The following DISP1 variants were observed in gnomAD, a reference collection of about 807,000 sequenced individuals.
The protein encoded by DISP1 is protein dispatched homolog 1.
Under a neutral mutation model 37.3 loss-of-function variants are expected in DISP1, and 30 were observed. That is an observed-to-expected ratio of 0.80 (90% CI 0.60 to 1.09). DISP1 has a LOEUF of 1.09. Among genes scored for constraint, DISP1 ranks in the 50% least tolerant of loss-of-function variants. The probability of loss-of-function intolerance (pLI) is 0.00; values close to 1 mark genes in which losing one functional copy is unlikely to be tolerated. For synonymous variants in DISP1, 634 were observed against 690.2 expected (o/e 0.92, Z 1.28); for missense variants, 1,598 against 1,879.5 (o/e 0.85, Z 2.77).
chr1:222,861,607 T>C (rs1277575706), intron 1 of DISP1, among the ~76,000 whole-genome samples: 1 of 152,214 alleles, frequency 6.6e-6, no homozygotes, highest in East Asian at 1.9e-4. Context: ...ATTATCACTC[T>C]TTGTTTCAAA....
intron 1 of DISP1, among the ~76,000 whole-genome samples, chr1:222,841,081 T>C (rs1667589584): frequency 6.6e-6 from 1 of 152,220 alleles, no homozygotes; most frequent in African/African-American, 2.4e-5. Flanking sequence ...TATAAAATGC[T>C]ATTAATAATA....
chr1:222,942,361 G>A (rs1188975144), intron 2 of DISP1, among the ~76,000 whole-genome samples: 1 of 152,046 alleles, frequency 6.6e-6, no homozygotes, highest in Non-Finnish European at 1.5e-5. Flanking sequence ...TTTTAACCTT[G>A]TACAATGAAT....
Position 223,004,556 on chromosome 1 carries a change from C to T in DISP1, c.3159C>T (p.Ala1053=), listed in dbSNP as rs760876490. The T allele has an allele frequency of 4.3e-6, 7 of 1,614,050 alleles. No individual in the cohort carries two copies. The highest frequency in any genetic ancestry group is 2.7e-5 in the African/African-American group (2 of 74,924). The part of the protein sequence containing the change: ...SVAVGLSVDF[A]VHYGVAYRLA... ...CCGTCGGCTTGTCTGTAGACTTTGC[C>T]GTCCATTATGGGGTTGCCTACCGCT... Residue 1053 remains alanine (A), a synonymous_variant, in exon 9 of 9, where the codon GCC becomes GCT. Transcript: ENST00000675850. This position sits in a 1 kb window ranked among gnomAD's most constrained non-coding sequence, Gnocchi z 4.9.
intron 1 of DISP1, among the ~76,000 whole-genome samples, chr1:222,861,133 A>G (rs1668857596): frequency 6.6e-6 from 1 of 151,808 alleles, no homozygotes; most frequent in Admixed American, 6.6e-5. Context: ...CTTTTTCTCT[A>G]TTTCCTTTGC....
intron 8 of DISP1, among the ~76,000 whole-genome samples, chr1:223,000,490 G>A (rs1246252629): frequency 6.6e-6 from 1 of 152,136 alleles, no homozygotes; most frequent in Non-Finnish European, 1.5e-5. Context: ...CTTTGTTAAA[G>A]TAAATATTAT....
At chr1:222,867,116 A>G (rs899124735) in intron 1 of DISP1, among the ~76,000 whole-genome samples, 1 of 152,232 alleles carries the variant, frequency 6.6e-6, no homozygotes, top group Non-Finnish European at 1.5e-5. Context: ...GAATGAATCA[A>G]TGAATCTTAG....
chr1:222,815,044 G>A lies in DISP1; in HGVS notation c.-193G>A, dbSNP rs1430603956. 1 of 152,250 alleles carries A rather than the reference G, an allele frequency of 6.6e-6. No individual in the cohort carries two copies. Among genetic ancestry groups the A allele is most frequent in the South Asian group, 2.1e-4 (1 of 4,836 alleles). The allele number at this position is 152,250 out of a possible 1,614,324, so 9.4% of individuals were successfully genotyped here. A position where few individuals can be genotyped will look rare whatever the true frequency, so the allele number is the denominator to read the frequency against. Reference sequence around the variant, plus strand: ...CGCGGACCGCGCCAGGCGGAAGCCCGGCTCCGGGCCAGCATCCGAGAGCCC... The same window carrying A: ...CGCGGACCGCGCCAGGCGGAAGCCCAGCTCCGGGCCAGCATCCGAGAGCCC... On this transcript the variant is annotated 5_prime_UTR_variant, in exon 1 of 9. Transcript: ENST00000675850.
chr1:222,850,378 GTTTTTATTA>G (rs1005769461), intron 1 of DISP1, among the ~76,000 whole-genome samples: 3 of 150,700 alleles, frequency 2.0e-5, no homozygotes, highest in Non-Finnish European at 4.4e-5. Context: ...TTTACCCCAT[GTTTTTATTA>G]TTCTTTTAAA....
intron 1 of DISP1, among the ~76,000 whole-genome samples, chr1:222,922,292 T>C (rs1672843978): frequency 6.6e-6 from 1 of 152,100 alleles, no homozygotes; most frequent in Non-Finnish European, 1.5e-5. Context: ...ATATGATGTA[T>C]CGAGAAGCTC....
rs746493847 is a variant in DISP1, at chr1:222,983,078, A to G, written c.510-2A>G. ...TTTTTCCTTTGCTTTTTTTTTTTTC[A>G]GACCATCCAGACCTTTCAAGTTGCC... On this transcript the variant is annotated splice_acceptor_variant, in intron 3 of 8. Transcript: ENST00000675850. LOFTEE classifies it high-confidence loss of function. The G allele has an allele frequency of 2.5e-6, 4 of 1,583,764 alleles. No individual in the cohort carries two copies. The South Asian group carries it at 4.6e-5, about 18-fold the overall frequency.
chr1:222,876,715 T>G (rs545174647), intron 1 of DISP1, among the ~76,000 whole-genome samples: 1 of 152,296 alleles, frequency 6.6e-6, no homozygotes, highest in Non-Finnish European at 1.5e-5. Context: ...AATACATGCA[T>G]TGTTTATGAA....
In DISP1 at chr1:223,003,359, A is replaced by C. The variant is rs2102799532; in HGVS notation, c.1962A>C (p.Ala654=). ...NYVLMVTWLP[A]VVVLHERYLL... ...TTTTGATGGTCACATGGCTTCCAGC[A>C]GTTGTTGTGCTGCATGAGCGGTATC... The change falls in exon 9 of 9, where the codon GCA becomes GCC. Residue 654 remains alanine, a synonymous_variant. Coordinates refer to ENST00000675850, the MANE Select transcript of DISP1 (RefSeq NM_001377229.1). This position sits in a 1 kb window ranked among gnomAD's most constrained non-coding sequence, Gnocchi z 4.3. 3 of 1,614,012 alleles carry C rather than the reference A, an allele frequency of 1.9e-6. No individual in the cohort carries two copies. The East Asian group carries it at 6.7e-5, about 36-fold the overall frequency.
intron 3 of DISP1, 68 bp from the exon 4 acceptor site, chr1:222,983,012 T>G: frequency 8.3e-7 from 1 of 1,204,716 alleles, no homozygotes; most frequent in Non-Finnish European, 1.2e-6. Context: ...TGTAAAGCCT[T>G]TGTTTATGTT....
chr1:222,829,641 C>T (rs991810553), intron 1 of DISP1, among the ~76,000 whole-genome samples: 2 of 151,964 alleles, frequency 1.3e-5, no homozygotes, highest in Non-Finnish European at 2.9e-5. Context: ...GGGGTCTCAC[C>T]ATGTTGGCCA....
In DISP1 at chr1:222,942,980, A is replaced by G; in HGVS notation, c.157A>G (p.Asn53Asp). 1 of 1,614,188 alleles carries G rather than the reference A, an allele frequency of 6.2e-7. No individual in the cohort carries two copies. Among genetic ancestry groups the G allele is most frequent in the Non-Finnish European group, 8.5e-7 (1 of 1,180,036 alleles). Residue 53 changes from asparagine (N) to aspartate (D), a missense_variant, in exon 3 of 9, where the codon AAT (asparagine) becomes GAT (aspartate). Transcript: ENST00000675850. ...KEATRTKVSP[N>D]GCLQLNGTVK... ...AGCAACAAGAACAAAAGTGAGTCCAAATGGATGCCTGCAACTTAATGGCAC... is the reference window on the plus strand; with the variant it reads ...AGCAACAAGAACAAAAGTGAGTCCAGATGGATGCCTGCAACTTAATGGCAC...
rs116455413 is a variant in DISP1, at chr1:222,817,199, G to C, written c.-159+2121G>C. Among the ~76,000 whole-genome samples, 854 of 152,322 alleles carry C rather than the reference G, an allele frequency of 5.6e-3. 3 individuals are homozygous for C. Among genetic ancestry groups the C allele is most frequent in the Non-Finnish European group, 9.5e-3 (649 of 68,030 alleles). On this transcript the variant is annotated intron_variant, in intron 1 of 8. Transcript: ENST00000675850. The stretch of plus-strand genomic sequence containing the variant: ...TATTTTTGTTATTCCGTAGGATTTA[G>C]ATGTATTTTACAGTTTAACCAATAA...
At chr1:222,956,512 G>T (rs1223696972) in intron 3 of DISP1, among the ~76,000 whole-genome samples, 1 of 151,862 alleles carries the variant, frequency 6.6e-6, no homozygotes, top group Non-Finnish European at 1.5e-5. Flanking sequence ...TGGTTGGTTG[G>T]TTTTTTTCAT....
chr1:222,936,981 AAT>A (rs1480019599), intron 2 of DISP1, among the ~76,000 whole-genome samples: 35 of 91,918 alleles, frequency 3.8e-4, no homozygotes, highest in African/African-American at 7.0e-4. Context: ...AATATTTTAT[AAT>A]ATATATAATA....
intron 3 of DISP1, among the ~76,000 whole-genome samples, chr1:222,980,055 A>G (rs556563336): frequency 7.9e-4 from 118 of 149,654 alleles, no homozygotes; most frequent in African/African-American, 2.9e-3. Flanking sequence ...AGATCTGGGG[A>G]AAAAAATCAT....
Sources: allele counts gnomAD v4.1 joint callset (sites outside exome capture counted in the v4.1 genomes callset), GRCh38; gene constraint gnomAD v4.1.1; non-coding constraint Gnocchi (gnomAD v3.1); transcripts MANE v1.5; gene names NCBI Gene and HGNC (gene_info 2026-07-23, HGNC 2026-07-21).